The following PACRGL variants were observed in gnomAD, a reference collection of about 807,000 sequenced individuals.
PACRGL encodes the protein parkin coregulated like, also known as PACRG-like protein.
PACRGL carries 38 observed loss-of-function variants against 34.5 expected under a neutral mutation model. The observed-to-expected ratio is 1.10, with a 90% confidence interval of 0.85 to 1.44. The LOEUF is 1.44. Ranked by LOEUF, PACRGL falls within the 40% of genes most tolerant of loss-of-function variation. PACRGL has a pLI of 0.00. For synonymous variants in PACRGL, 128 were observed against 100.1 expected, an observed-to-expected ratio of 1.28 and a Z score of -1.66; for missense variants, 305 against 281.4, an observed-to-expected ratio of 1.08 and a Z score of -0.60.
chr4:20,751,333 C>CA (rs1461312236), intron 8 of PACRGL, among the ~76,000 whole-genome samples: 18 of 152,272 alleles, frequency 1.2e-4, no homozygotes, highest in African/African-American at 3.9e-4. Flanking sequence ...AATTCTTTTG[C>CA]ATATGGAGCC....
intron 8 of PACRGL, among the ~76,000 whole-genome samples, chr4:20,738,464 T>G (rs144810275): frequency 6.6e-6 from 1 of 152,294 alleles, no homozygotes; most frequent in East Asian, 1.9e-4. Flanking sequence ...CCCCAAAATT[T>G]ACATGTCTGA....
intron 5 of PACRGL, among the ~76,000 whole-genome samples, chr4:20,711,336 G>C (rs1737096179): frequency 6.6e-6 from 1 of 152,116 alleles, no homozygotes; most frequent in South Asian, 2.1e-4. Context: ...TTTCTGTATT[G>C]AGTAGATTTT....
chr4:20,762,807 C>T, the PACRGL span, among the ~76,000 whole-genome samples: 1 of 152,136 alleles, frequency 6.6e-6, no homozygotes, highest in Non-Finnish European at 1.5e-5. Context: ...CATTTCCACA[C>T]TGCTATAAAG....
chr4:20,750,176 C>G (rs1170889246), intron 8 of PACRGL, among the ~76,000 whole-genome samples: 1 of 152,166 alleles, frequency 6.6e-6, no homozygotes, highest in Non-Finnish European at 1.5e-5. Flanking sequence ...ATCATTGTTA[C>G]AACTCAGAAA....
rs1748287901 is a variant in PACRGL, at chr4:20,731,759, C to T, written c.*4418C>T. The T allele has an allele frequency of 2.0e-6, 2 of 985,298 alleles. No homozygotes were observed. Among genetic ancestry groups the T allele is most frequent in the African/African-American group, 1.7e-5 (1 of 57,238 alleles). The allele number at this position is 985,298 out of a possible 1,614,324, so 61.0% of individuals were successfully genotyped here. ...ACTCTCTAAGGAATTTGGGAATCAACACAGTACATGTACAACTTTTGTATC... is the reference window on the plus strand; with the variant it reads ...ACTCTCTAAGGAATTTGGGAATCAATACAGTACATGTACAACTTTTGTATC... On this transcript the variant is annotated 3_prime_UTR_variant, in exon 9 of 9. Transcript: ENST00000503585.
intron 8 of PACRGL, among the ~76,000 whole-genome samples, chr4:20,742,418 C>T (rs926129468): frequency 6.6e-6 from 1 of 152,128 alleles, no homozygotes; most frequent in Non-Finnish European, 1.5e-5. Flanking sequence ...TCAACATACA[C>T]AAATCAATAA....
At chr4:20,740,000 G>T (rs545915360) in intron 8 of PACRGL, among the ~76,000 whole-genome samples, 13 of 152,272 alleles carry the variant, frequency 8.5e-5, no homozygotes, top group African/African-American at 2.9e-4. Context: ...ATCAGTGATT[G>T]AAGATCAAGT....
chr4:20,754,496 T>C (rs1754170732), downstream of PACRGL, among the ~76,000 whole-genome samples: 1 of 152,196 alleles, frequency 6.6e-6, no homozygotes, highest in African/African-American at 2.4e-5. Context: ...GAGATCACAT[T>C]CTTCCTTAGG....
At chr4:20,758,931 A>G in the PACRGL span, 1 of 1,547,724 alleles carries the variant, frequency 6.5e-7, no homozygotes, top group Non-Finnish European at 8.9e-7. Context: ...CAAAGTGTTC[A>G]TAAAACTGAA....
At chr4:20,737,318 C>T (rs978063649), downstream of PACRGL, among the ~76,000 whole-genome samples, 4 of 152,128 alleles carry the variant, frequency 2.6e-5, no homozygotes, top group Non-Finnish European at 4.4e-5. Context: ...GAAAAATGTT[C>T]ACTGGACCAG....
rs1747301077 is a variant in PACRGL at position 20,729,506 on chromosome 4, A to AAAAATGCCAGATAAAACT, written c.*2168_*2185dup. The AAAAATGCCAGATAAAACT allele has an allele frequency of 1.3e-5, 2 of 150,554 alleles. No homozygotes were observed. The highest frequency in any genetic ancestry group is 1.3e-4 in the Admixed American group (2 of 15,122). 9.3% of individuals were successfully genotyped at this position (150,554 alleles called of 1,614,324 possible). A position where few individuals can be genotyped will look rare whatever the true frequency, so the allele number is the denominator to read the frequency against. ...AATGTTTAATAATTTTTAAATGTTT[A>AAAAATGCCAGATAAAACT]AAAATGCCAGATAAAACTAATTTCT... On this transcript the variant is annotated 3_prime_UTR_variant, in exon 9 of 9. Transcript: ENST00000503585.
downstream of PACRGL, among the ~76,000 whole-genome samples, chr4:20,736,809 A>G (rs1749737542): frequency 6.6e-6 from 1 of 152,232 alleles, no homozygotes; most frequent in African/African-American, 2.4e-5. Flanking sequence ...AACAGAAATA[A>G]TTGTCAAATT....
At chr4:20,724,747 C>T (rs1016237618) in intron 7 of PACRGL, 61 bp from the exon 8 acceptor site, 23 of 919,284 alleles carry the variant, frequency 2.5e-5, no homozygotes, top group Middle Eastern at 2.3e-4. Flanking sequence ...TTTACTTATG[C>T]GTATGGTGAG....
At position 20,732,521 on chromosome 4, in the gene PACRGL, T is replaced by C. The variant is rs879114350; in HGVS notation, c.*5180T>C. On this transcript the variant is annotated 3_prime_UTR_variant, in exon 9 of 9. Transcript: ENST00000503585. ...TAAATGCAGTTATCAGCATTGTAAA[T>C]TCAAAACCAAAGCTATTAAATTAAT... Among the ~76,000 whole-genome samples the C allele has an allele frequency of 2.6e-5, 4 of 152,346 alleles. No homozygotes were observed. In the South Asian group the frequency reaches 8.3e-4, roughly 32 times the overall value.
intron 4 of PACRGL, among the ~76,000 whole-genome samples, chr4:20,708,213 A>C (rs953736388): frequency 4.6e-5 from 7 of 152,280 alleles, no homozygotes; most frequent in Admixed American, 2.6e-4. Flanking sequence ...TTGTCAATTT[A>C]ATGAAATTGT....
chr4:20,743,354 G>A (rs1412070873), intron 8 of PACRGL, among the ~76,000 whole-genome samples: 1 of 152,060 alleles, frequency 6.6e-6, no homozygotes, highest in Non-Finnish European at 1.5e-5. Flanking sequence ...ACATCATGCT[G>A]CCTGACTTCA....
chr4:20,765,712 T>C, the PACRGL span, among the ~76,000 whole-genome samples: 1 of 152,214 alleles, frequency 6.6e-6, no homozygotes. Context: ...ACCATTGCAT[T>C]TCTTTCATTG....
intron 7 of PACRGL, 26 bp from the exon 8 acceptor site, chr4:20,724,782 G>A (rs761402739): frequency 9.3e-5 from 125 of 1,342,372 alleles, no homozygotes; most frequent in African/African-American, 4.8e-4. Context: ...AAGTCATTTC[G>A]TTTCCCCCTA....
At chr4:20,706,964 G>A (rs1578139122) in intron 3 of PACRGL, among the ~76,000 whole-genome samples, 1 of 152,260 alleles carries the variant, frequency 6.6e-6, no homozygotes, top group African/African-American at 2.4e-5. Flanking sequence ...GGAAAAAAGA[G>A]CTGATTCTAA....
Sources: allele counts gnomAD v4.1 joint callset (sites outside exome capture counted in the v4.1 genomes callset), GRCh38; gene constraint gnomAD v4.1.1; transcripts MANE v1.5; gene names NCBI Gene and HGNC (gene_info 2026-07-23, HGNC 2026-07-21).